The following CEP85L variants were observed in gnomAD, a reference collection of about 807,000 sequenced individuals.
CEP85L encodes centrosomal protein 85L.
A neutral mutation model predicts 100.3 loss-of-function variants in CEP85L; 60 were observed. The ratio of observed to expected loss-of-function variants is 0.60; its 90% CI spans 0.49 to 0.74. The LOEUF is 0.74. Among genes scored for constraint, CEP85L ranks in the 30% least tolerant of loss-of-function variants. The probability of loss-of-function intolerance (pLI) is 0.00; values close to 1 mark genes in which losing one functional copy is unlikely to be tolerated. For synonymous variants in CEP85L, 319 were observed against 322.7 expected (o/e 0.99, Z 0.12); for missense variants, 973 against 936.2 (o/e 1.04, Z -0.51).
chr6:118,552,734 G>C (rs576112726), intron 3 of CEP85L, among the ~76,000 whole-genome samples: 149 of 151,580 alleles, frequency 9.8e-4, no homozygotes, highest in African/African-American at 3.4e-3. Context: ...ATCCCACAAA[G>C]AATAGTAAAG....
chr6:118,574,565 A>G (rs1562275606), intron 2 of CEP85L, among the ~76,000 whole-genome samples: 4 of 152,190 alleles, frequency 2.6e-5, no homozygotes, highest in African/African-American at 9.6e-5. Context: ...ACCTCTCATA[A>G]GGAGACATGT....
intron 5 of CEP85L, chr6:118,502,012 G>T: frequency 3.7e-6 from 3 of 820,296 alleles, no homozygotes; most frequent in African/African-American, 1.7e-5. Context: ...CAGTCAGTGG[G>T]AATTTGAAAG....
In CEP85L at chr6:118,623,793, G is replaced by GT. The variant is rs1398150813; in HGVS notation, c.232+8659dup. Among the ~76,000 whole-genome samples, 3 of 152,316 alleles carry GT rather than the reference G, an allele frequency of 2.0e-5. No individual in the cohort carries two copies. In the East Asian group the frequency reaches 5.8e-4, roughly 29 times the overall value. ...AAGATATAATAACTTCTCTAGCAAAGTATCAACAAAACCTTAAAACTTTAC... is the reference window on the plus strand; with the variant it reads ...AAGATATAATAACTTCTCTAGCAAAGTTATCAACAAAACCTTAAAACTTTAC... On this transcript the variant is annotated intron_variant, in intron 2 of 12. Transcript: ENST00000368491.
chr6:118,554,133 C>CA (rs1778707939), intron 3 of CEP85L, among the ~76,000 whole-genome samples: 1 of 152,014 alleles, frequency 6.6e-6, no homozygotes, highest in African/African-American at 2.4e-5. Context: ...ACCAAAAATA[C>CA]AAAAATTAGC....
chr6:118,526,481 T>C (rs986521799), intron 3 of CEP85L, among the ~76,000 whole-genome samples: 2 of 152,136 alleles, frequency 1.3e-5, no homozygotes, highest in Non-Finnish European at 2.9e-5. Flanking sequence ...CCTACAATCT[T>C]ATTTATACTT....
In CEP85L at chr6:118,651,536, C is replaced by T; in HGVS notation, c.-267G>A. 6.3e-6 allele frequency: 8 copies of T among 1,260,400 alleles called. No individual in the cohort carries two copies. The highest frequency in any genetic ancestry group is 5.2e-5 in the South Asian group (2 of 38,716). The allele number at this position is 1,260,400 out of a possible 1,614,324, so 78.1% of individuals were successfully genotyped here. On this transcript the variant is annotated 5_prime_UTR_variant, in exon 1 of 13. Transcript: ENST00000368491. ...GACTCGGCGGTGACGGCTGCTAGAT[C>T]CCCGGCTGAGCCCAGGCTCAAAGGC...
chr6:118,483,682 G>C lies in CEP85L; in HGVS notation c.1590+24C>G, dbSNP rs751020423. 3.1e-6 allele frequency: 5 copies of C among 1,589,902 alleles called. No individual in the cohort carries two copies. In the Admixed American group the frequency reaches 7.2e-5, roughly 23 times the overall value. ...TTAACATGTTTTCATGTCATTTAAA[G>C]ATAAGCATTTTATTTCATGTTACCT... On this transcript the variant is annotated intron_variant, in intron 7 of 12. Coordinates refer to ENST00000368491, the MANE Select transcript of CEP85L (RefSeq NM_001042475.3).
chr6:118,493,394 G>A (rs938608672), intron 5 of CEP85L, among the ~76,000 whole-genome samples: 1 of 152,110 alleles, frequency 6.6e-6, no homozygotes, highest in Non-Finnish European at 1.5e-5. Context: ...TCAATCTAGT[G>A]TCTAGACTCT....
intron 2 of CEP85L, among the ~76,000 whole-genome samples, chr6:118,595,536 T>C (rs1781418707): frequency 1.3e-5 from 2 of 152,172 alleles, no homozygotes; most frequent in Admixed American, 1.3e-4. Context: ...TGGAACACAG[T>C]AAGTATTCAA....
At chr6:118,635,425 C>T (rs535123591) in intron 1 of CEP85L, among the ~76,000 whole-genome samples, 1 of 152,062 alleles carries the variant, frequency 6.6e-6, no homozygotes, top group South Asian at 2.1e-4. Context: ...TCAGGGAGCT[C>T]TATATCTAAA....
intron 2 of CEP85L, among the ~76,000 whole-genome samples, chr6:118,593,740 T>C (rs1331058864): frequency 2.6e-5 from 4 of 151,894 alleles, no homozygotes; most frequent in Admixed American, 2.6e-4. Context: ...AATCATCTAG[T>C]TGTCTTTTTC....
intron 3 of CEP85L, among the ~76,000 whole-genome samples, chr6:118,555,011 T>C (rs1224357715): frequency 6.6e-6 from 1 of 152,208 alleles, no homozygotes; most frequent in African/African-American, 2.4e-5. Flanking sequence ...AAAATAATTT[T>C]TAAAATTTCT....
chr6:118,706,261 A>G (rs559137352), intron 1 of CEP85L, among the ~76,000 whole-genome samples: 12 of 152,348 alleles, frequency 7.9e-5, no homozygotes, highest in Admixed American at 2.0e-4. Context: ...AAGTTCATCA[A>G]TCAAAGTGCC....
intron 2 of CEP85L, among the ~76,000 whole-genome samples, chr6:118,580,874 T>C (rs1037797363): frequency 6.6e-6 from 1 of 152,202 alleles, no homozygotes; most frequent in Admixed American, 6.5e-5. Context: ...AAGAATGCCA[T>C]TGCAATCTCC....
At chr6:118,638,813 G>A (rs563824060) in intron 1 of CEP85L, among the ~76,000 whole-genome samples, 1 of 152,070 alleles carries the variant, frequency 6.6e-6, no homozygotes, top group East Asian at 1.9e-4. Flanking sequence ...TCTCAGACAG[G>A]AAGATTAGCA....
intron 1 of CEP85L, 34 bp downstream of exon 1, chr6:118,651,163 C>T (rs1467695634): frequency 1.3e-6 from 2 of 1,483,992 alleles, no homozygotes; most frequent in African/African-American, 2.9e-5. Flanking sequence ...GGCCGTGACC[C>T]CCACCCCAGC....
chr6:118,623,709 T>C (rs1562318144), intron 2 of CEP85L, among the ~76,000 whole-genome samples: 1 of 152,218 alleles, frequency 6.6e-6, no homozygotes, highest in Non-Finnish European at 1.5e-5. Context: ...AAATGCTGTA[T>C]GGATGGCCTT....
At chr6:118,625,857 T>A (rs1176716207) in intron 2 of CEP85L, among the ~76,000 whole-genome samples, 1 of 152,166 alleles carries the variant, frequency 6.6e-6, no homozygotes, top group Non-Finnish European at 1.5e-5. Flanking sequence ...TCAAATTTAT[T>A]TCCTCTAGGA....
At position 118,586,858 on chromosome 6, in the gene CEP85L, A is replaced by T. The variant is rs1333957889; in HGVS notation, c.233-20542T>A. On this transcript the variant is annotated intron_variant, in intron 2 of 12. Transcript: ENST00000368491. ...TTGCTATACTCACTCTGCTATTTGC[A>T]GTAGAACTATATACTGTAGCACCCT... Among the ~76,000 whole-genome samples, 5 of 152,328 alleles carry T rather than the reference A, an allele frequency of 3.3e-5. No homozygotes were observed. The East Asian group carries it at 7.7e-4, about 23-fold the overall frequency.
Sources: gnomAD v4.1 joint callset for allele counts (sites outside exome capture counted in the v4.1 genomes callset) on GRCh38, gnomAD v4.1.1 for gene constraint, MANE v1.5 for transcripts, NCBI Gene and HGNC (gene_info 2026-07-23, HGNC 2026-07-21) for gene names.